Variants in BRINP3 observed in about 807,000 individuals in gnomAD.
BRINP3 encodes BMP/retinoic acid inducible neural specific 3.
In BRINP3, 19 loss-of-function variants were observed where a neutral mutation model predicts 71.0. That is an observed-to-expected ratio of 0.27 (90% CI 0.19 to 0.39). The LOEUF is 0.39. Ranked by LOEUF, BRINP3 falls within the 10% of genes least tolerant of loss-of-function variation. BRINP3 has a pLI of 1.00. For synonymous variants in BRINP3, 380 were observed against 337.7 expected (o/e 1.13, Z -1.37); for missense variants, 959 against 940.8 (o/e 1.02, Z -0.25).
intron 2 of BRINP3, among the ~76,000 whole-genome samples, chr1:190,291,807 A>G (rs10800940): frequency 6.6e-6 from 1 of 152,184 alleles, no homozygotes; most frequent in Non-Finnish European, 1.5e-5. Flanking sequence ...CACTGGGTAT[A>G]TATACGTATT....
intron 2 of BRINP3, among the ~76,000 whole-genome samples, chr1:190,431,933 T>C (rs1008253851): frequency 2.0e-5 from 3 of 152,062 alleles, no homozygotes; most frequent in Admixed American, 2.0e-4. Context: ...TAAGAAAAAA[T>C]TGTTTCTAAA....
At chr1:190,291,703 GTGAGAACGTAAAT>G (rs1663881763) in intron 2 of BRINP3, among the ~76,000 whole-genome samples, 1 of 152,172 alleles carries the variant, frequency 6.6e-6, no homozygotes, top group African/African-American at 2.4e-5. Context: ...CACACAGTTG[GTGAGAACGTAAAT>G]TGAAACAGCC....
At chr1:190,280,876 T>A (rs1662984114) in intron 3 of BRINP3, among the ~76,000 whole-genome samples, 1 of 151,950 alleles carries the variant, frequency 6.6e-6, no homozygotes, top group Non-Finnish European at 1.5e-5. Flanking sequence ...TAGGAAAATG[T>A]CATATGTTGC....
chr1:190,151,487 A>G (rs1436271364), intron 7 of BRINP3, among the ~76,000 whole-genome samples: 4 of 152,172 alleles, frequency 2.6e-5, no homozygotes, highest in Non-Finnish European at 5.9e-5. Flanking sequence ...TTTTTCTCTC[A>G]TATGTAAGTT....
chr1:190,450,724 CT>C (rs1298250337), intron 2 of BRINP3, among the ~76,000 whole-genome samples: 1 of 151,812 alleles, frequency 6.6e-6, no homozygotes. Flanking sequence ...GTATTTTTGC[CT>C]TTCCTATTGA....
At chr1:190,457,411 T>A (rs1320449104) in intron 1 of BRINP3, among the ~76,000 whole-genome samples, 1 of 151,882 alleles carries the variant, frequency 6.6e-6, no homozygotes, top group Non-Finnish European at 1.5e-5. Flanking sequence ...TCCACTGCAC[T>A]CCAGCCTGGG....
chr1:190,361,180 A>T (rs1006819707), intron 2 of BRINP3, among the ~76,000 whole-genome samples: 4 of 151,868 alleles, frequency 2.6e-5, no homozygotes, highest in African/African-American at 9.7e-5. Flanking sequence ...TAAGAAAGAG[A>T]CTGGGGTCAG....
intron 5 of BRINP3, among the ~76,000 whole-genome samples, chr1:190,230,291 A>T (rs571982552): frequency 4.1e-4 from 63 of 152,104 alleles, no homozygotes; most frequent in African/African-American, 1.4e-3. Context: ...TGAGGAACGT[A>T]AAAAATTGTA....
chr1:190,366,395 C>A (rs573088783), intron 2 of BRINP3, among the ~76,000 whole-genome samples: 6 of 152,172 alleles, frequency 3.9e-5, no homozygotes, highest in African/African-American at 1.2e-4. Flanking sequence ...GGGTAACTGC[C>A]CCCATGATTG....
At chr1:190,442,656 G>T (rs1457253271) in intron 2 of BRINP3, among the ~76,000 whole-genome samples, 3 of 151,834 alleles carry the variant, frequency 2.0e-5, no homozygotes, top group African/African-American at 7.3e-5. Context: ...GTACTTACGT[G>T]TGTGTGTGTG....
chr1:190,349,023 G>A (rs886228044), intron 2 of BRINP3, among the ~76,000 whole-genome samples: 2 of 152,080 alleles, frequency 1.3e-5, no homozygotes, highest in African/African-American at 2.4e-5. Context: ...TTCATAAAAC[G>A]TAGTAGCTGA....
At chr1:190,118,566 T>C (rs919321942) in intron 7 of BRINP3, among the ~76,000 whole-genome samples, 1 of 152,056 alleles carries the variant, frequency 6.6e-6, no homozygotes, top group Non-Finnish European at 1.5e-5. Context: ...TACTAATGTC[T>C]TCATTTCACA....
intron 2 of BRINP3, among the ~76,000 whole-genome samples, chr1:190,312,036 A>T (rs1456405620): frequency 1.5e-5 from 1 of 68,306 alleles, no homozygotes; most frequent in Non-Finnish European, 2.9e-5. Flanking sequence ...TGAAAAGTCA[A>T]ATATATATAT....
chr1:190,258,304 T>C (rs1372233502), intron 4 of BRINP3, among the ~76,000 whole-genome samples: 1 of 152,188 alleles, frequency 6.6e-6, no homozygotes, highest in Non-Finnish European at 1.5e-5. Context: ...AGGCACGGGA[T>C]ATAATCTGGT....
intron 1 of BRINP3, among the ~76,000 whole-genome samples, chr1:190,467,014 G>A (rs1352934798): frequency 1.3e-5 from 2 of 151,430 alleles, no homozygotes; most frequent in Non-Finnish European, 3.0e-5. Flanking sequence ...TCTGAGAATT[G>A]TTATGACTAT....
intron 6 of BRINP3, among the ~76,000 whole-genome samples, chr1:190,173,988 A>T (rs889560712): frequency 8.5e-5 from 13 of 152,202 alleles, no homozygotes; most frequent in Non-Finnish European, 1.5e-5. Flanking sequence ...TGGAGGAAAC[A>T]ACATATCTAT....
chr1:190,303,490 G>T (rs1205546730), intron 2 of BRINP3, among the ~76,000 whole-genome samples: 2 of 151,670 alleles, frequency 1.3e-5, no homozygotes, highest in Non-Finnish European at 3.0e-5. Flanking sequence ...GCTGCTATAT[G>T]ACATAATTAT....
chr1:190,129,535 T>G (rs1242630903), intron 7 of BRINP3, among the ~76,000 whole-genome samples: 1 of 151,946 alleles, frequency 6.6e-6, no homozygotes, highest in African/African-American at 2.4e-5. Context: ...ACAGGTGCAG[T>G]TTCTGAACAC....
At chr1:190,262,399 A>G (rs942192527) in intron 4 of BRINP3, among the ~76,000 whole-genome samples, 3 of 152,104 alleles carry the variant, frequency 2.0e-5, no homozygotes, top group Admixed American at 1.3e-4. Context: ...TGCACTCCCT[A>G]TGAATTTCCA....
Sources: gnomAD v4.1 joint callset for allele counts (sites outside exome capture counted in the v4.1 genomes callset) on GRCh38, gnomAD v4.1.1 for gene constraint, MANE v1.5 for transcripts, NCBI Gene and HGNC (gene_info 2026-07-23, HGNC 2026-07-21) for gene names.